The following SHANK2 variants were observed in gnomAD, a reference collection of about 807,000 sequenced individuals.
SHANK2 encodes SH3 and multiple ankyrin repeat domains 2.
In SHANK2, 43 loss-of-function variants were observed where a neutral mutation model predicts 133.7. That is an observed-to-expected ratio of 0.32 (90% CI 0.25 to 0.41). The LOEUF is 0.41. Ranked by LOEUF, SHANK2 falls within the 10% of genes least tolerant of loss-of-function variation. The pLI is 1.00. For missense variants in SHANK2, 1,994 were observed against 2,235.8 expected (o/e 0.89, Z 2.18); for synonymous variants, 1,017 against 952.8 (o/e 1.07, Z -1.24).
At chr11:71,198,381 G>GT (rs1555116545) in intron 2 of SHANK2, among the ~76,000 whole-genome samples, 1 of 152,204 alleles carries the variant, frequency 6.6e-6, no homozygotes, top group African/African-American at 2.4e-5. Context: ...CAGCTCTCGG[G>GT]TTAAACAATC....
intron 2 of SHANK2, among the ~76,000 whole-genome samples, chr11:71,184,614 G>A (rs1953634770): frequency 1.3e-5 from 2 of 152,166 alleles, no homozygotes; most frequent in Admixed American, 6.5e-5. Flanking sequence ...CAAACCTGTG[G>A]CCAACTCTCC....
At chr11:70,741,054 A>G (rs1946512682) in intron 14 of SHANK2, among the ~76,000 whole-genome samples, 1 of 152,160 alleles carries the variant, frequency 6.6e-6, no homozygotes, top group Non-Finnish European at 1.5e-5. Flanking sequence ...CCATCTGTCT[A>G]TCCATCCATC....
At chr11:70,833,896 A>G (rs1011531211) in intron 11 of SHANK2, among the ~76,000 whole-genome samples, 4 of 152,220 alleles carry the variant, frequency 2.6e-5, no homozygotes, top group African/African-American at 7.2e-5. Context: ...CCAGGCCAGG[A>G]CAGTGTTGTC....
At chr11:71,132,255 C>T (rs1388030276) in intron 3 of SHANK2, among the ~76,000 whole-genome samples, 3 of 152,090 alleles carry the variant, frequency 2.0e-5, no homozygotes, top group African/African-American at 4.8e-5. Context: ...AGCAAAGATG[C>T]TGGAAAAAAG....
intron 10 of SHANK2, chr11:70,942,668 T>G: frequency 2.2e-6 from 1 of 456,890 alleles, no homozygotes; most frequent in Non-Finnish European, 4.4e-6. Context: ...AGGATTTACA[T>G]TCAGGGACAG....
At position 70,830,034 on chromosome 11, in the gene SHANK2, C is replaced by A. The variant is rs930670630; in HGVS notation, c.1175-9352G>T. 1.3e-5 allele frequency among the ~76,000 whole-genome samples: 2 copies of A among 152,202 alleles called. No individual in the cohort carries two copies. Among genetic ancestry groups the A allele is most frequent in the Non-Finnish European group, 2.9e-5 (2 of 68,036 alleles). Reference sequence around the variant, plus strand: ...GCAGCCTGTAAGAGCCTCCTTCCCCCACACCCACCACTTGCCCCCTTCCCT... The same window carrying A: ...GCAGCCTGTAAGAGCCTCCTTCCCCAACACCCACCACTTGCCCCCTTCCCT... On this transcript the variant is annotated intron_variant, in intron 11 of 25. Coordinates refer to ENST00000601538, the MANE Select transcript of SHANK2 (RefSeq NM_012309.5). This position sits in a 1 kb window ranked among gnomAD's most constrained non-coding sequence, Gnocchi z 4.4.
intron 21 of SHANK2, among the ~76,000 whole-genome samples, chr11:70,496,291 G>A (rs2058969651): frequency 6.6e-6 from 1 of 152,184 alleles, no homozygotes; most frequent in South Asian, 2.1e-4. Flanking sequence ...GGCCCTTCCA[G>A]AAGCCATGTG....
intron 17 of SHANK2, among the ~76,000 whole-genome samples, chr11:70,522,596 C>T (rs1482301129): frequency 6.6e-6 from 1 of 152,224 alleles, no homozygotes; most frequent in African/African-American, 2.4e-5. Flanking sequence ...CCAGGGCCTC[C>T]GAGTCCCTGC....
chr11:70,595,530 G>A (rs954295478), intron 17 of SHANK2, among the ~76,000 whole-genome samples: 2 of 152,162 alleles, frequency 1.3e-5, no homozygotes, highest in African/African-American at 2.4e-5. Flanking sequence ...CTGCGAAGGC[G>A]ACGGTGAACT....
rs922612897 is a variant in SHANK2, at chr11:70,711,566, C to T, written c.1778-12803G>A. On this transcript the variant is annotated intron_variant, in intron 14 of 25. Coordinates refer to ENST00000601538, the MANE Select transcript of SHANK2 (RefSeq NM_012309.5). Reference sequence around the variant, plus strand: ...CGCAGGCAGGAATGCTAGGAGTGTGCGGGGCTTGGAGCCAGCACGCCCGCC... The same window carrying T: ...CGCAGGCAGGAATGCTAGGAGTGTGTGGGGCTTGGAGCCAGCACGCCCGCC... 6.6e-5 allele frequency among the ~76,000 whole-genome samples: 10 copies of T among 152,352 alleles called. No individual in the cohort carries two copies. The East Asian group carries it at 7.7e-4, about 12-fold the overall frequency.
chr11:70,521,769 T>G (rs2059333691), intron 17 of SHANK2, among the ~76,000 whole-genome samples: 1 of 152,238 alleles, frequency 6.6e-6, no homozygotes, highest in Admixed American at 6.5e-5. Flanking sequence ...GGTCACATTC[T>G]TCTCGCCTTG....
At chr11:71,232,511 G>A (rs764720624) in intron 1 of SHANK2, among the ~76,000 whole-genome samples, 113 of 151,976 alleles carry the variant, frequency 7.4e-4, no homozygotes, top group Non-Finnish European at 3.5e-4. Flanking sequence ...GAGAAGGCAA[G>A]ACCAACCCCT....
At chr11:71,101,684 CG>C (rs1951718484) in intron 6 of SHANK2, among the ~76,000 whole-genome samples, 1 of 152,216 alleles carries the variant, frequency 6.6e-6, no homozygotes, top group Non-Finnish European at 1.5e-5. Flanking sequence ...GAGCATGAAC[CG>C]TCAGTCACTG....
At chr11:70,636,004 C>T (rs2061074637) in intron 17 of SHANK2, among the ~76,000 whole-genome samples, 2 of 152,252 alleles carry the variant, frequency 1.3e-5, no homozygotes, top group South Asian at 2.1e-4. Context: ...TTTCCCTGGT[C>T]CAGGTGGGGC....
At chr11:70,794,565 T>C (rs1947868427) in intron 14 of SHANK2, among the ~76,000 whole-genome samples, 1 of 152,184 alleles carries the variant, frequency 6.6e-6, no homozygotes, top group Non-Finnish European at 1.5e-5. Flanking sequence ...AATTATTTTA[T>C]ATATTTTTTG....
intron 2 of SHANK2, among the ~76,000 whole-genome samples, chr11:71,216,948 G>C (rs1954425937): frequency 6.6e-6 from 1 of 152,210 alleles, no homozygotes; most frequent in South Asian, 2.1e-4. Context: ...TGCAATCCCA[G>C]CACTTTGGGA....
chr11:70,587,706 T>TG (rs2060272818), intron 17 of SHANK2, among the ~76,000 whole-genome samples: 2 of 149,882 alleles, frequency 1.3e-5, no homozygotes, highest in African/African-American at 4.9e-5. Flanking sequence ...CAGTTTTTTT[T>TG]TTTTTTTTTT....
At chr11:70,861,186 A>G (rs1949253353) in intron 11 of SHANK2, among the ~76,000 whole-genome samples, 1 of 152,206 alleles carries the variant, frequency 6.6e-6, no homozygotes, top group African/African-American at 2.4e-5. Context: ...CTGCAGTTGG[A>G]AGGTCATGTT....
At position 70,472,848 on chromosome 11, in the gene SHANK2, C is replaced by T. The variant is rs376221895; in HGVS notation, c.*21G>A. On this transcript the variant is annotated 3_prime_UTR_variant, in exon 26 of 26. Transcript: ENST00000601538. This position sits in a 1 kb window ranked among gnomAD's most constrained non-coding sequence, Gnocchi z 4.4. ...CTCTACTTATAACAAGAGCAGTCTG[C>T]GAGGTGGAGAGCAGCCGTCCTTATC... is the stretch of plus-strand genomic sequence containing the variant. 4.3e-5 allele frequency: 69 copies of T among 1,609,492 alleles called. No homozygotes were observed. The highest frequency in any genetic ancestry group is 5.0e-5 in the Admixed American group (3 of 59,996).
Sources: gnomAD v4.1 joint callset for allele counts (sites outside exome capture counted in the v4.1 genomes callset) on GRCh38, gnomAD v4.1.1 for gene constraint, Gnocchi (gnomAD v3.1) non-coding constraint, MANE v1.5 for transcripts, NCBI Gene and HGNC (gene_info 2026-07-23, HGNC 2026-07-21) for gene names.